RBFOX3: variants seen among roughly 807,000 people sequenced by gnomAD.
The protein encoded by RBFOX3 is RNA binding protein fox-1 homolog 3.
In RBFOX3, 17 loss-of-function variants were observed where a neutral mutation model predicts 48.7. The observed-to-expected ratio is 0.35, with a 90% CI of 0.24 to 0.52. The LOEUF (loss-of-function observed/expected upper bound fraction) is 0.52. Among genes scored for constraint, RBFOX3 ranks in the 20% least tolerant of loss-of-function variants. RBFOX3 has a pLI of 0.94. For missense variants in RBFOX3, 382 were observed against 497.5 expected, an observed-to-expected ratio of 0.77 and a Z score of 2.21; for synonymous variants, 212 against 209.5, an observed-to-expected ratio of 1.01 and a Z score of -0.10.
At chr17:79,373,853 T>TTTTTTG (rs955606834) in intron 2 of RBFOX3, among the ~76,000 whole-genome samples, 1 of 151,654 alleles carries the variant, frequency 6.6e-6, no homozygotes, top group Non-Finnish European at 1.5e-5. Flanking sequence ...TGAGTTTTCT[T>TTTTTTG]TTTTTGTTTT....
chr17:79,114,333 T>A (rs942671408), intron 5 of RBFOX3, among the ~76,000 whole-genome samples: 1 of 152,090 alleles, frequency 6.6e-6, no homozygotes, highest in Non-Finnish European at 1.5e-5. Context: ...ACCCTGGGTA[T>A]CAGGATGCTG....
rs2058818068 is a variant in RBFOX3 at position 79,214,861 on chromosome 17, T to C, written c.-34+20905A>G. Among the ~76,000 whole-genome samples, 1 of 152,170 alleles carries C rather than the reference T, an allele frequency of 6.6e-6. No homozygotes were observed. ...CAAACTTTAAAAAACATAATATTTA[T>C]AGAAAGCCTCATTCAGCTCACCCTG... On this transcript the variant is annotated intron_variant, in intron 4 of 14. Coordinates refer to ENST00000693108, the MANE Select transcript of RBFOX3 (RefSeq NM_001350451.2). The surrounding 1 kb of genome is among the most constrained non-coding windows in gnomAD (Gnocchi z 4.7).
chr17:79,223,207 C>A (rs1396704593), intron 4 of RBFOX3, among the ~76,000 whole-genome samples: 3 of 152,186 alleles, frequency 2.0e-5, no homozygotes, highest in Non-Finnish European at 4.4e-5. Context: ...GCAGACAGCA[C>A]ACACAGTTGC....
In RBFOX3 at chr17:79,225,657, G is replaced by A. The variant is rs913986008; in HGVS notation, c.-34+10109C>T. The stretch of plus-strand genomic sequence containing the variant: ...GGAACTCCTCACAGCCAAGGGGAGC[G>A]TGTGTCCATGCCTCGAGGACCCACA... On this transcript the variant is annotated intron_variant, in intron 4 of 14. Coordinates refer to ENST00000693108, the MANE Select transcript of RBFOX3 (RefSeq NM_001350451.2). Among the ~76,000 whole-genome samples the A allele has an allele frequency of 5.9e-5, 9 of 152,344 alleles. 1 individual carries two copies. In the South Asian group the frequency reaches 1.2e-3, roughly 21 times the overall value.
chr17:79,481,792 CG>C lies in RBFOX3; in HGVS notation c.-175+661del, dbSNP rs2149487080. 6.6e-6 allele frequency among the ~76,000 whole-genome samples: 1 copy of C among 152,248 alleles called. No homozygotes were observed. Among genetic ancestry groups the C allele is most frequent in the Admixed American group, 6.5e-5 (1 of 15,286 alleles). Reference sequence around the variant, plus strand: ...TAGTGTAGTGCTTTTTTGTTGCTGTCGTTCTGTGAACTGTAGCAAATTATCA... The same window carrying C: ...TAGTGTAGTGCTTTTTTGTTGCTGTCTTCTGTGAACTGTAGCAAATTATCA... On this transcript the variant is annotated intron_variant, in intron 2 of 14. Coordinates refer to ENST00000693108, the MANE Select transcript of RBFOX3 (RefSeq NM_001350451.2). This position sits in a 1 kb window ranked among gnomAD's most constrained non-coding sequence, Gnocchi z 5.4.
chr17:79,620,473 GCACACACGCACGTGCA>G, the RBFOX3 span, among the ~76,000 whole-genome samples: 1 of 136,426 alleles, frequency 7.3e-6, no homozygotes, highest in East Asian at 2.5e-4. Flanking sequence ...ATGCACACGT[GCACACACGCACGTGCA>G]CACACGCGCA....
At chr17:79,102,795 G>A (rs1158696162) in intron 8 of RBFOX3, among the ~76,000 whole-genome samples, 1 of 152,226 alleles carries the variant, frequency 6.6e-6, no homozygotes, top group Non-Finnish European at 1.5e-5. Flanking sequence ...GCTCCATGGT[G>A]AGCAGGGTCT....
At chr17:79,639,584 A>T in the RBFOX3 span, among the ~76,000 whole-genome samples, 1 of 152,222 alleles carries the variant, frequency 6.6e-6, no homozygotes, top group Middle Eastern at 3.2e-3. Flanking sequence ...AGATGCAAAA[A>T]AATTCCCAAT....
chr17:79,536,063 G>A (rs1410382624), intron 1 of RBFOX3, among the ~76,000 whole-genome samples: 1 of 152,152 alleles, frequency 6.6e-6, no homozygotes, highest in Non-Finnish European at 1.5e-5. Flanking sequence ...TGGGGAGGGA[G>A]AGCTGCAATC....
At chr17:79,373,455 T>A (rs1346678527) in intron 2 of RBFOX3, among the ~76,000 whole-genome samples, 4 of 152,196 alleles carry the variant, frequency 2.6e-5, no homozygotes, top group Admixed American at 2.6e-4. Flanking sequence ...CCTGAACCCA[T>A]CCTGGCTCCA....
intron 2 of RBFOX3, among the ~76,000 whole-genome samples, chr17:79,366,927 C>T (rs2057845082): frequency 1.3e-5 from 2 of 152,192 alleles, no homozygotes; most frequent in South Asian, 4.1e-4. Flanking sequence ...AGCCACCTCG[C>T]CCAAGGGCCC....
chr17:79,159,127 G>GT (rs148756885), intron 4 of RBFOX3, among the ~76,000 whole-genome samples: 4,723 of 152,324 alleles, frequency 0.031, 98 homozygotes, highest in Non-Finnish European at 0.046. Context: ...CAGGTGGGTA[G>GT]TGGGAGTTAG....
intron 2 of RBFOX3, among the ~76,000 whole-genome samples, chr17:79,447,417 C>T (rs919310737): frequency 3.3e-5 from 5 of 152,208 alleles, no homozygotes; most frequent in African/African-American, 1.2e-4. Context: ...GGCAGAGTGC[C>T]GGCTTCATCT....
the RBFOX3 span, among the ~76,000 whole-genome samples, chr17:79,664,007 C>G: frequency 3.3e-5 from 5 of 152,082 alleles, no homozygotes; most frequent in African/African-American, 1.2e-4. Flanking sequence ...CAGGTCCCGA[C>G]GAGCAGGCCT....
intron 1 of RBFOX3, among the ~76,000 whole-genome samples, chr17:79,608,813 T>C (rs1234469583): frequency 7.5e-6 from 1 of 133,116 alleles, no homozygotes; most frequent in Non-Finnish European, 1.6e-5. Context: ...CCTCCAGTCC[T>C]GGGGGAGGGG....
chr17:79,267,027 T>G (rs943499435), intron 3 of RBFOX3, among the ~76,000 whole-genome samples: 2 of 152,214 alleles, frequency 1.3e-5, no homozygotes, highest in Admixed American at 1.3e-4. Flanking sequence ...TGCAGCTGGC[T>G]GGTCAGAAGG....
chr17:79,644,186 T>C, the RBFOX3 span, among the ~76,000 whole-genome samples: 1 of 152,134 alleles, frequency 6.6e-6, no homozygotes, highest in African/African-American at 2.4e-5. Flanking sequence ...ATTGAATACA[T>C]CATCAAAAAC....
chr17:79,451,393 A>G (rs1222635479), intron 2 of RBFOX3, among the ~76,000 whole-genome samples: 1 of 152,200 alleles, frequency 6.6e-6, no homozygotes, highest in Non-Finnish European at 1.5e-5. Context: ...CTCTGAACCC[A>G]GAAGACAAGC....
intron 4 of RBFOX3, among the ~76,000 whole-genome samples, chr17:79,181,962 A>AACACACACAC (rs56842759): frequency 4.3e-4 from 64 of 148,408 alleles, no homozygotes; most frequent in Non-Finnish European, 6.7e-4. Context: ...GTCTCCAAGA[A>AACACACACAC]ACACACACAC....
Sources: gnomAD v4.1 joint callset for allele counts (sites outside exome capture counted in the v4.1 genomes callset) on GRCh38, gnomAD v4.1.1 for gene constraint, Gnocchi (gnomAD v3.1) non-coding constraint, MANE v1.5 for transcripts, NCBI Gene and HGNC (gene_info 2026-07-23, HGNC 2026-07-21) for gene names.